The following AGBL4 variants were observed in gnomAD, a reference collection of about 807,000 sequenced individuals.
AGBL4 encodes the protein cytosolic carboxypeptidase 6.
A neutral mutation model predicts 66.4 loss-of-function variants in AGBL4; 58 were observed. The ratio of observed to expected loss-of-function variants is 0.87; its 90% CI spans 0.71 to 1.09. AGBL4 has a LOEUF of 1.09. AGBL4 is among the 50% of genes least tolerant of loss of function. AGBL4 has a pLI of 0.00. For synonymous variants in AGBL4, 234 were observed against 222.9 expected (o/e 1.05, Z -0.44); for missense variants, 579 against 631.0 (o/e 0.92, Z 0.88).
chr1:48,546,953 G>A (rs1644173718), intron 11 of AGBL4, among the ~76,000 whole-genome samples: 1 of 151,244 alleles, frequency 6.6e-6, no homozygotes, highest in Non-Finnish European at 1.5e-5. Flanking sequence ...GTCTGTACCT[G>A]CAGATAATGC....
chr1:48,955,442 C>A (rs1657363428), intron 5 of AGBL4, among the ~76,000 whole-genome samples: 1 of 152,194 alleles, frequency 6.6e-6, no homozygotes. Context: ...CTCTCTCCTC[C>A]TTTCCTTGTG....
chr1:49,396,307 A>G (rs949976831), intron 3 of AGBL4, among the ~76,000 whole-genome samples: 10 of 151,522 alleles, frequency 6.6e-5, no homozygotes, highest in African/African-American at 2.4e-4. Flanking sequence ...TCTAAGTACC[A>G]AAAAATAAAG....
At chr1:49,186,070 C>A (rs1252151483) in intron 4 of AGBL4, among the ~76,000 whole-genome samples, 1 of 152,126 alleles carries the variant, frequency 6.6e-6, no homozygotes, top group Non-Finnish European at 1.5e-5. Context: ...ATGCTCCACA[C>A]CATCATAATC....
intron 1 of AGBL4, among the ~76,000 whole-genome samples, chr1:49,936,724 A>G (rs553235161): frequency 6.6e-6 from 1 of 152,292 alleles, no homozygotes; most frequent in African/African-American, 2.4e-5. Context: ...AGAATTTCAT[A>G]TCCAGCCAAA....
chr1:49,005,609 G>A (rs1485128160), intron 5 of AGBL4, among the ~76,000 whole-genome samples: 1 of 152,110 alleles, frequency 6.6e-6, no homozygotes, highest in Non-Finnish European at 1.5e-5. Context: ...AGATATTGTT[G>A]TTAATCTCTT....
At chr1:49,508,803 T>G (rs1439881021) in intron 3 of AGBL4, among the ~76,000 whole-genome samples, 3 of 151,986 alleles carry the variant, frequency 2.0e-5, no homozygotes, top group Admixed American at 6.6e-5. Flanking sequence ...GCATCAGGCA[T>G]GGCTAATAGT....
intron 6 of AGBL4, among the ~76,000 whole-genome samples, chr1:48,754,550 T>C (rs934828131): frequency 2.6e-5 from 4 of 152,108 alleles, no homozygotes; most frequent in Admixed American, 6.5e-5. Flanking sequence ...GGCATTTACT[T>C]ATTTGGGGGA....
At chr1:48,842,632 C>T (rs536399249) in intron 6 of AGBL4, among the ~76,000 whole-genome samples, 12 of 152,132 alleles carry the variant, frequency 7.9e-5, no homozygotes, top group African/African-American at 1.4e-4. Flanking sequence ...AAAATTAAAA[C>T]GAACTGCTGT....
chr1:49,789,905 G>A (rs1195405659), intron 2 of AGBL4, among the ~76,000 whole-genome samples: 1 of 152,152 alleles, frequency 6.6e-6, no homozygotes, highest in Non-Finnish European at 1.5e-5. Context: ...AAAGCTGGAG[G>A]CATCATGCTA....
At chr1:49,433,571 A>G (rs907951021) in intron 3 of AGBL4, among the ~76,000 whole-genome samples, 3 of 152,122 alleles carry the variant, frequency 2.0e-5, no homozygotes, top group African/African-American at 4.8e-5. Context: ...ATAGATAAAT[A>G]CCCATTTTTC....
intron 11 of AGBL4, among the ~76,000 whole-genome samples, chr1:48,579,668 T>C (rs1340779585): frequency 1.3e-5 from 2 of 148,188 alleles, no homozygotes; most frequent in African/African-American, 5.0e-5. Context: ...CCCAGCACTT[T>C]GGGAGGCTGA....
intron 4 of AGBL4, among the ~76,000 whole-genome samples, chr1:49,244,087 A>T (rs1651446885): frequency 6.6e-6 from 1 of 151,874 alleles, no homozygotes; most frequent in African/African-American, 2.4e-5. Flanking sequence ...AAGCAAAGTG[A>T]AATAATTAAG....
At chr1:49,285,753 A>C (rs554719346) in intron 3 of AGBL4, among the ~76,000 whole-genome samples, 5 of 152,368 alleles carry the variant, frequency 3.3e-5, no homozygotes, top group African/African-American at 9.6e-5. Flanking sequence ...CTCTACGCAA[A>C]TAAACTAGAA....
At chr1:49,511,401 A>G (rs1649232537) in intron 3 of AGBL4, among the ~76,000 whole-genome samples, 3 of 143,158 alleles carry the variant, frequency 2.1e-5, no homozygotes, top group Non-Finnish European at 3.0e-5. Flanking sequence ...TGGGAATTGA[A>G]CAATGAGATC....
chr1:49,378,328 C>T (rs577309599), intron 3 of AGBL4, among the ~76,000 whole-genome samples: 36 of 152,034 alleles, frequency 2.4e-4, no homozygotes, highest in Non-Finnish European at 4.4e-4. Flanking sequence ...GATCTGGGGA[C>T]GTAATCTATA....
At chr1:49,201,455 T>G (rs534962072) in intron 4 of AGBL4, among the ~76,000 whole-genome samples, 1 of 152,162 alleles carries the variant, frequency 6.6e-6, no homozygotes, top group Admixed American at 6.5e-5. Context: ...TCAAAAAACT[T>G]TCACAATATT....
At chr1:48,865,080 T>C (rs1647877430) in intron 6 of AGBL4, among the ~76,000 whole-genome samples, 1 of 152,008 alleles carries the variant, frequency 6.6e-6, no homozygotes, top group African/African-American at 2.4e-5. Flanking sequence ...AGTTCTGTTG[T>C]TGAAGATGGT....
chr1:49,364,892 C>T (rs867348985), intron 3 of AGBL4, among the ~76,000 whole-genome samples: 1 of 152,198 alleles, frequency 6.6e-6, no homozygotes, highest in East Asian at 1.9e-4. Flanking sequence ...AACCCAGTAA[C>T]GTGACACCAT....
At chr1:48,704,409 C>A (rs1259287768) in intron 6 of AGBL4, among the ~76,000 whole-genome samples, 2 of 152,156 alleles carry the variant, frequency 1.3e-5, no homozygotes, top group African/African-American at 4.8e-5. Context: ...CCTCAGTTTA[C>A]TATGACTTTT....
Sources: allele counts gnomAD v4.1 joint callset (sites outside exome capture counted in the v4.1 genomes callset), GRCh38; gene constraint gnomAD v4.1.1; transcripts MANE v1.5; gene names NCBI Gene and HGNC (gene_info 2026-07-23, HGNC 2026-07-21).